DTNB: variants seen among roughly 807,000 people sequenced by gnomAD.
The protein encoded by DTNB is dystrobrevin beta.
A neutral mutation model predicts 90.7 loss-of-function variants in DTNB; 63 were observed. That is an observed-to-expected ratio of 0.69 (90% CI 0.57 to 0.86). DTNB has a LOEUF of 0.86. DTNB is among the 40% of genes least tolerant of loss of function. DTNB has a pLI of 0.00. For missense variants in DTNB, 744 were observed against 807.1 expected (o/e 0.92, Z 0.95); for synonymous variants, 277 against 286.7 (o/e 0.97, Z 0.34).
chr2:25,450,443 A>T (rs1232222027), intron 12 of DTNB, among the ~76,000 whole-genome samples: 2 of 152,130 alleles, frequency 1.3e-5, no homozygotes, highest in Non-Finnish European at 2.9e-5. Context: ...TTTCTTGATT[A>T]CTATAGCTTT....
At chr2:25,583,101 T>C (rs2061790491) in intron 6 of DTNB, among the ~76,000 whole-genome samples, 1 of 151,564 alleles carries the variant, frequency 6.6e-6, no homozygotes, top group South Asian at 2.1e-4. Flanking sequence ...ACAAAAATGA[T>C]CTGGGTGTGG....
chr2:25,503,686 G>A (rs535140510), intron 9 of DTNB, among the ~76,000 whole-genome samples: 8 of 152,136 alleles, frequency 5.3e-5, no homozygotes, highest in African/African-American at 7.2e-5. Context: ...AGGCTGAGGT[G>A]GGCGGATCAC....
intron 6 of DTNB, among the ~76,000 whole-genome samples, chr2:25,592,839 G>A (rs1008638443): frequency 3.3e-5 from 5 of 152,176 alleles, no homozygotes; most frequent in South Asian, 4.1e-4. Flanking sequence ...GAGGACAAAC[G>A]AAATAATCAG....
chr2:25,651,280 G>A (rs2080882548), intron 2 of DTNB, among the ~76,000 whole-genome samples: 1 of 152,214 alleles, frequency 6.6e-6, no homozygotes, highest in African/African-American at 2.4e-5. Context: ...TGAGGAAACA[G>A]AGGCCCAGAG....
intron 14 of DTNB, among the ~76,000 whole-genome samples, chr2:25,430,842 G>A (rs1011215660): frequency 4.6e-5 from 7 of 152,112 alleles, no homozygotes; most frequent in East Asian, 1.9e-4. Flanking sequence ...CTTCATATAC[G>A]TTTGTCGCAC....
chr2:25,639,822 C>T (rs1050212581), intron 2 of DTNB, among the ~76,000 whole-genome samples: 3 of 152,148 alleles, frequency 2.0e-5, no homozygotes, highest in Non-Finnish European at 4.4e-5. Flanking sequence ...CTTGCTCTTC[C>T]GGGATGCTTG....
chr2:25,519,887 A>G (rs2075831776), intron 9 of DTNB, among the ~76,000 whole-genome samples: 2 of 152,172 alleles, frequency 1.3e-5, no homozygotes, highest in African/African-American at 4.8e-5. Context: ...AAAAAGTATC[A>G]TCTTGTCAGT....
At chr2:25,502,604 C>G (rs888753992) in intron 9 of DTNB, among the ~76,000 whole-genome samples, 1 of 151,842 alleles carries the variant, frequency 6.6e-6, no homozygotes, top group Non-Finnish European at 1.5e-5. Flanking sequence ...AGCAGAGCAG[C>G]CAGGCACGGT....
At chr2:25,559,189 C>A (rs947281163) in intron 8 of DTNB, among the ~76,000 whole-genome samples, 1 of 152,160 alleles carries the variant, frequency 6.6e-6, no homozygotes. Context: ...CATCCCCTCA[C>A]GCGACCCCAA....
chr2:25,522,873 G>C (rs1447346925), intron 9 of DTNB, among the ~76,000 whole-genome samples: 1 of 151,934 alleles, frequency 6.6e-6, no homozygotes, highest in East Asian at 1.9e-4. Flanking sequence ...GTTAATTTTT[G>C]TATTTTTAGT....
intron 2 of DTNB, among the ~76,000 whole-genome samples, chr2:25,644,047 G>T (rs1374243749): frequency 2.0e-5 from 3 of 152,138 alleles, no homozygotes; most frequent in Non-Finnish European, 4.4e-5. Context: ...ACAACATCAG[G>T]AAGTTACCCT....
At chr2:25,526,380 TA>T (rs1558884189) in intron 9 of DTNB, among the ~76,000 whole-genome samples, 34 of 52,224 alleles carry the variant, frequency 6.5e-4, no homozygotes, top group African/African-American at 3.5e-3. Context: ...TATATATATA[TA>T]TATATATATA....
chr2:25,632,185 T>A (rs2075895160), intron 3 of DTNB, among the ~76,000 whole-genome samples: 1 of 124,920 alleles, frequency 8.0e-6, no homozygotes, highest in Non-Finnish European at 1.7e-5. Context: ...AGAACGTGAC[T>A]CTGTCTCAAA....
At chr2:25,503,969 A>G (rs867312746) in intron 9 of DTNB, among the ~76,000 whole-genome samples, 2 of 152,100 alleles carry the variant, frequency 1.3e-5, no homozygotes, top group African/African-American at 4.8e-5. Context: ...AAAAATATGT[A>G]GAAATAAATT....
intron 10 of DTNB, among the ~76,000 whole-genome samples, chr2:25,471,914 C>T (rs1056296397): frequency 4.6e-5 from 7 of 151,746 alleles, no homozygotes; most frequent in African/African-American, 4.8e-5. Flanking sequence ...TCATGTGAAA[C>T]GCAATGTAAT....
chr2:25,662,142 C>T (rs1353054776), intron 1 of DTNB, among the ~76,000 whole-genome samples: 1 of 142,830 alleles, frequency 7.0e-6, no homozygotes, highest in Non-Finnish European at 1.5e-5. Context: ...GGTGACAGAG[C>T]GAGACTCCGT....
Position 25,422,467 on chromosome 2 carries a change from G to A in DTNB, c.1555-2932C>T, listed in dbSNP as rs548672716. Among the ~76,000 whole-genome samples the A allele has an allele frequency of 3.5e-5, 5 of 141,246 alleles. No homozygotes were observed. The South Asian group carries it at 6.6e-4, about 19-fold the overall frequency. The allele number at this position is 141,246 out of a possible 152,430, so 92.7% of individuals were successfully genotyped here. On this transcript the variant is annotated intron_variant, in intron 15 of 20. Coordinates refer to ENST00000406818, the MANE Select transcript of DTNB (RefSeq NM_021907.5). ...GTCGCCCAGGCTGGAGTGCAATGGC[G>A]CGATCTCGGCTCAGTGTGACCTCCG...
chr2:25,539,625 T>G (rs2080717176), intron 8 of DTNB, among the ~76,000 whole-genome samples: 9 of 152,022 alleles, frequency 5.9e-5, no homozygotes. Context: ...TTTATACTTT[T>G]TGTATTTTAA....
chr2:25,475,909 T>C (rs1487091347), intron 10 of DTNB, among the ~76,000 whole-genome samples: 1 of 152,140 alleles, frequency 6.6e-6, no homozygotes, highest in Non-Finnish European at 1.5e-5. Flanking sequence ...TGAGACCTAC[T>C]GTTCAGAAAA....
Sources: allele counts gnomAD v4.1 joint callset (sites outside exome capture counted in the v4.1 genomes callset), GRCh38; gene constraint gnomAD v4.1.1; transcripts MANE v1.5; gene names NCBI Gene and HGNC (gene_info 2026-07-23, HGNC 2026-07-21).